Variants in DLG2 observed in about 807,000 individuals in gnomAD.
The protein encoded by DLG2 is discs large MAGUK scaffold protein 2.
Under a neutral mutation model 132.5 loss-of-function variants are expected in DLG2, and 45 were observed. The observed-to-expected ratio is 0.34, with a 90% confidence interval of 0.27 to 0.44. DLG2 has a LOEUF of 0.44. Ranked by LOEUF, DLG2 falls within the 20% of genes least tolerant of loss-of-function variation. The pLI, the probability that DLG2 is intolerant of heterozygous loss-of-function variation, is 1.00. For missense variants in DLG2, 1,045 were observed against 1,196.9 expected, an observed-to-expected ratio of 0.87 and a Z score of 1.87; for synonymous variants, 424 against 419.6, an observed-to-expected ratio of 1.01 and a Z score of -0.13.
chr11:84,844,123 GTGTGTGTGTGTGTATA>G (rs1385847063), intron 6 of DLG2, among the ~76,000 whole-genome samples: 31 of 25,160 alleles, frequency 1.2e-3, no homozygotes, highest in Non-Finnish European at 1.8e-3. Flanking sequence ...GTGTGTGTGT[GTGTGTGTGTGTGTATA>G]TATATATATA....
At chr11:85,104,905 G>C (rs1236882187) in intron 6 of DLG2, among the ~76,000 whole-genome samples, 2 of 135,716 alleles carry the variant, frequency 1.5e-5, no homozygotes, top group African/African-American at 2.8e-5. Context: ...AAAAAACAGA[G>C]AGAGAAAGGA....
chr11:85,613,176 G>A (rs182549760), intron 2 of DLG2, among the ~76,000 whole-genome samples: 326 of 152,164 alleles, frequency 2.1e-3, no homozygotes, highest in Non-Finnish European at 4.0e-3. Context: ...GCTGTTACTC[G>A]CCTTTGGGCC....
chr11:84,175,533 T>C (rs1566817953), intron 8 of DLG2, among the ~76,000 whole-genome samples: 1 of 152,144 alleles, frequency 6.6e-6, no homozygotes, highest in Non-Finnish European at 1.5e-5. Context: ...TTACTTCAAA[T>C]CTTGCTAACA....
At chr11:84,603,000 C>A (rs1172848664) in intron 6 of DLG2, among the ~76,000 whole-genome samples, 2 of 151,924 alleles carry the variant, frequency 1.3e-5, no homozygotes, top group African/African-American at 2.4e-5. Flanking sequence ...AATTTAGAAT[C>A]AAAGTCCAGC....
chr11:84,984,487 A>C (rs1446826720), intron 6 of DLG2, among the ~76,000 whole-genome samples: 1 of 152,166 alleles, frequency 6.6e-6, no homozygotes, highest in Non-Finnish European at 1.5e-5. Flanking sequence ...AGGAGCTCTA[A>C]ATCTTGAAAC....
chr11:85,229,109 C>A (rs1015670866), intron 4 of DLG2, among the ~76,000 whole-genome samples: 7 of 151,800 alleles, frequency 4.6e-5, no homozygotes, highest in Non-Finnish European at 8.8e-5. Context: ...CAACTGTACA[C>A]TTCCATTTAC....
At chr11:83,752,608 A>C (rs761653567) in intron 18 of DLG2, among the ~76,000 whole-genome samples, 124 of 152,202 alleles carry the variant, frequency 8.1e-4, no homozygotes, top group Non-Finnish European at 1.4e-3. Flanking sequence ...GGAGAATGGA[A>C]GAAGAGCAAT....
intron 6 of DLG2, among the ~76,000 whole-genome samples, chr11:84,738,779 A>C (rs1385731344): frequency 6.6e-6 from 1 of 152,208 alleles, no homozygotes; most frequent in Non-Finnish European, 1.5e-5. Flanking sequence ...ATTTCTAGGT[A>C]TTCAAGAGAA....
chr11:84,450,654 G>C (rs908597925), intron 7 of DLG2, among the ~76,000 whole-genome samples: 1 of 151,694 alleles, frequency 6.6e-6, no homozygotes, highest in African/African-American at 2.4e-5. Flanking sequence ...ACCAATAAAA[G>C]AAACATTATT....
chr11:83,709,172 C>A (rs1385423947), intron 18 of DLG2, among the ~76,000 whole-genome samples: 32 of 151,324 alleles, frequency 2.1e-4, no homozygotes, highest in Non-Finnish European at 7.4e-5. Flanking sequence ...AAGAAAGAAT[C>A]TTTTTGAGAG....
At chr11:83,782,350 T>A (rs1282049961) in intron 18 of DLG2, among the ~76,000 whole-genome samples, 1 of 152,192 alleles carries the variant, frequency 6.6e-6, no homozygotes. Flanking sequence ...GTCAAATTCA[T>A]ATTGCATGGA....
At chr11:85,350,663 G>A (rs966521227) in intron 3 of DLG2, among the ~76,000 whole-genome samples, 1 of 152,124 alleles carries the variant, frequency 6.6e-6, no homozygotes, top group African/African-American at 2.4e-5. Context: ...TATTAAATAG[G>A]CAATCCTTTC....
intron 15 of DLG2, among the ~76,000 whole-genome samples, chr11:83,893,802 C>T (rs2070728213): frequency 6.6e-6 from 1 of 152,134 alleles, no homozygotes; most frequent in African/African-American, 2.4e-5. Flanking sequence ...GTGTACCTTG[C>T]AGAAGTAATG....
chr11:83,633,429 C>G, intron 18 of DLG2, 104 bp from the exon 19 acceptor site: 1 of 834,338 alleles, frequency 1.2e-6, no homozygotes, highest in Non-Finnish European at 2.0e-6. Flanking sequence ...GTTCCTTTGC[C>G]AAACAATGGG....
At chr11:85,583,130 G>GTGTATGTATA (rs1555190569) in intron 3 of DLG2, among the ~76,000 whole-genome samples, 1 of 13,598 alleles carries the variant, frequency 7.4e-5, no homozygotes, top group African/African-American at 2.0e-4. Context: ...GTGTGTGTGT[G>GTGTATGTATA]TATATATATA....
rs78274991 is a variant in DLG2, at chr11:85,370,123, G to A, written c.41-84758C>T. Reference sequence around the variant, plus strand: ...GATAAGGCCTATGGAACTGACATACGGAACTAACCATGCCCTTAATTAAGA... The same window carrying A: ...GATAAGGCCTATGGAACTGACATACAGAACTAACCATGCCCTTAATTAAGA... On this transcript the variant is annotated intron_variant, in intron 3 of 27. Coordinates refer to ENST00000376104, the MANE Select transcript of DLG2 (RefSeq NM_001142699.3). Among the ~76,000 whole-genome samples the A allele has an allele frequency of 1.6e-3, 236 of 152,214 alleles. 1 individual carries two copies. Among genetic ancestry groups the A allele is most frequent in the African/African-American group, 5.4e-3 (223 of 41,526 alleles).
At chr11:84,099,120 T>A in intron 9 of DLG2, 73 bp from the exon 10 acceptor site, 1 of 1,367,850 alleles carries the variant, frequency 7.3e-7, no homozygotes, top group Non-Finnish European at 1.0e-6. Flanking sequence ...CACTCTGCAT[T>A]ATCATGTTAC....
intron 4 of DLG2, among the ~76,000 whole-genome samples, chr11:85,238,519 C>T (rs1482529738): frequency 6.6e-6 from 1 of 152,080 alleles, no homozygotes; most frequent in Non-Finnish European, 1.5e-5. Context: ...GCTGGGATTA[C>T]AGGCGTGAGC....
intron 6 of DLG2, among the ~76,000 whole-genome samples, chr11:84,681,982 C>T (rs899629400): frequency 6.6e-6 from 1 of 152,072 alleles, no homozygotes; most frequent in African/African-American, 2.4e-5. Context: ...CTGGCATATA[C>T]AGAGATCACA....
Sources: allele counts gnomAD v4.1 joint callset (sites outside exome capture counted in the v4.1 genomes callset), GRCh38; gene constraint gnomAD v4.1.1; transcripts MANE v1.5; gene names NCBI Gene and HGNC (gene_info 2026-07-23, HGNC 2026-07-21).